PAQR8: variants seen among roughly 807,000 people sequenced by gnomAD.
PAQR8 encodes membrane progestin receptor beta.
A neutral mutation model predicts 25.2 loss-of-function variants in PAQR8; 17 were observed. The ratio of observed to expected loss-of-function variants is 0.67; its 90% CI spans 0.46 to 1.01. The LOEUF is 1.01. PAQR8 is among the 50% of genes least tolerant of loss of function. The pLI is 0.00. For missense variants in PAQR8, 392 were observed against 448.4 expected (o/e 0.87, Z 1.14); for synonymous variants, 204 against 190.6 (o/e 1.07, Z -0.58).
chr6:52,389,702 A>C (rs1053242951), intron 1 of PAQR8, among the ~76,000 whole-genome samples: 1 of 152,220 alleles, frequency 6.6e-6, no homozygotes, highest in African/African-American at 2.4e-5. Flanking sequence ...CAGAAGAGTT[A>C]ATGTTTAATT....
At chr6:52,388,871 A>G (rs964132685) in intron 1 of PAQR8, among the ~76,000 whole-genome samples, 6 of 152,166 alleles carry the variant, frequency 3.9e-5, no homozygotes, top group Non-Finnish European at 7.4e-5. Context: ...TTGAGAGAGA[A>G]GTGGGTTTTG....
chr6:52,395,181 G>A (rs552042210), intron 1 of PAQR8, among the ~76,000 whole-genome samples: 50 of 150,906 alleles, frequency 3.3e-4, no homozygotes, highest in Non-Finnish European at 6.5e-4. Flanking sequence ...GCTGAGACAG[G>A]AGAATTGCTT....
chr6:52,391,283 C>T (rs1763706128), intron 1 of PAQR8, among the ~76,000 whole-genome samples: 1 of 152,230 alleles, frequency 6.6e-6, no homozygotes, highest in Non-Finnish European at 1.5e-5. Context: ...ATGGAGCTCA[C>T]ATATCATGTG....
chr6:52,370,854 T>G (rs1763410139), intron 1 of PAQR8, among the ~76,000 whole-genome samples: 1 of 152,240 alleles, frequency 6.6e-6, no homozygotes, highest in Non-Finnish European at 1.5e-5. Flanking sequence ...TGCATTGGAT[T>G]GCAGTGGTCA....
intron 1 of PAQR8, among the ~76,000 whole-genome samples, chr6:52,364,138 G>C (rs564135556): frequency 5.8e-4 from 72 of 123,770 alleles, no homozygotes; most frequent in Admixed American, 1.1e-3. Flanking sequence ...TCCTTCTGGT[G>C]CATATAGGTC....
intron 1 of PAQR8, among the ~76,000 whole-genome samples, chr6:52,376,194 A>C (rs568752080): frequency 6.6e-6 from 1 of 152,322 alleles, no homozygotes; most frequent in African/African-American, 2.4e-5. Flanking sequence ...GTGAGGTTTT[A>C]AGTGTTCATG....
Position 52,403,741 on chromosome 6 carries a change from G to T in PAQR8, c.528G>T (p.Trp176Cys). 1.9e-6 allele frequency: 3 copies of T among 1,614,218 alleles called. No individual in the cohort carries two copies. The highest frequency in any genetic ancestry group is 2.2e-5 in the South Asian group (2 of 91,082). The part of the protein sequence containing the change: ...SSDQAWYDRF[W>C]LFFLPAAAFC... ...ACCAGGCCTGGTATGACCGGTTCTG[G>T]CTTTTCTTCTTGCCAGCAGCTGCCT... The change falls in exon 2 of 2, where the codon TGG becomes TGT. Residue 176 changes from tryptophan (W) to cysteine (C), a missense_variant. Coordinates refer to ENST00000442253, the MANE Select transcript of PAQR8 (RefSeq NM_133367.5).
intron 1 of PAQR8, among the ~76,000 whole-genome samples, chr6:52,367,838 GC>G (rs1763371073): frequency 6.6e-6 from 1 of 152,190 alleles, no homozygotes; most frequent in African/African-American, 2.4e-5. Flanking sequence ...TATCTCCCAG[GC>G]TTCTGAAGGC....
chr6:52,393,898 C>T (rs1332394950), intron 1 of PAQR8, among the ~76,000 whole-genome samples: 1 of 152,178 alleles, frequency 6.6e-6, no homozygotes. Context: ...GGACATGAAG[C>T]ATGAGTAGGA....
intron 1 of PAQR8, among the ~76,000 whole-genome samples, chr6:52,371,868 C>T (rs1310368989): frequency 6.6e-6 from 1 of 152,156 alleles, no homozygotes. Context: ...AAGTTAGTGT[C>T]AGAGCAAAGA....
chr6:52,386,123 T>C (rs1763630172), intron 1 of PAQR8, among the ~76,000 whole-genome samples: 1 of 151,920 alleles, frequency 6.6e-6, no homozygotes, highest in Admixed American at 6.6e-5. Context: ...ATTAGAGAAA[T>C]GCAAATCAAA....
chr6:52,391,428 T>C (rs193173607), intron 1 of PAQR8, among the ~76,000 whole-genome samples: 5 of 152,380 alleles, frequency 3.3e-5, no homozygotes, highest in Admixed American at 2.6e-4. Flanking sequence ...TGTTAGGTTT[T>C]GTTAAATATA....
Position 52,403,734 on chromosome 6 carries a change from G to A in PAQR8, c.521G>A (p.Arg174Gln), listed in dbSNP as rs1763869977. The change falls in exon 2 of 2, where the codon CGG becomes CAG. Residue 174 changes from arginine (R) to glutamine (Q), a missense_variant. Coordinates refer to ENST00000442253, the MANE Select transcript of PAQR8 (RefSeq NM_133367.5). ...AGCTCTGACCAGGCCTGGTATGACC[G>A]GTTCTGGCTTTTCTTCTTGCCAGCA... Reference protein sequence around the residue: ...FYSSDQAWYDRFWLFFLPAAA... With the variant: ...FYSSDQAWYDQFWLFFLPAAA... 3.7e-6 allele frequency: 6 copies of A among 1,614,232 alleles called. No individual in the cohort carries two copies. Among genetic ancestry groups the A allele is most frequent in the Non-Finnish European group, 5.1e-6 (6 of 1,180,040 alleles).
intron 1 of PAQR8, among the ~76,000 whole-genome samples, chr6:52,390,594 G>A (rs1190428584): frequency 1.3e-5 from 2 of 152,090 alleles, no homozygotes; most frequent in Admixed American, 6.5e-5. Flanking sequence ...AGTGACTCAC[G>A]TATTAATGCC....
At chr6:52,374,783 C>A (rs559016041) in intron 1 of PAQR8, among the ~76,000 whole-genome samples, 1 of 152,208 alleles carries the variant, frequency 6.6e-6, no homozygotes, top group South Asian at 2.1e-4. Context: ...TGCTGGAGAA[C>A]TTCCTAGCTC....
intron 1 of PAQR8, among the ~76,000 whole-genome samples, chr6:52,371,648 C>T (rs1763420500): frequency 6.6e-6 from 1 of 152,138 alleles, no homozygotes; most frequent in South Asian, 2.1e-4. Context: ...TAAATATTAA[C>T]CAAATTCCAA....
intron 1 of PAQR8, 82 bp from the exon 2 acceptor site, chr6:52,403,080 G>A (rs897927405): frequency 7.8e-6 from 6 of 764,998 alleles, no homozygotes; most frequent in Non-Finnish European, 1.2e-5. Flanking sequence ...CAAAAGAAAA[G>A]AAAATAGCCA....
In PAQR8 at chr6:52,388,234, G is replaced by A. The variant is rs139711113; in HGVS notation, c.-52-14928G>A. ...CTACTAAAAATACAAAAATCAGCTA[G>A]GTGTGGTGGTGCATGCCTGTAATCC... On this transcript the variant is annotated intron_variant, in intron 1 of 1. Coordinates refer to ENST00000442253, the MANE Select transcript of PAQR8 (RefSeq NM_133367.5). 3.3e-4 allele frequency among the ~76,000 whole-genome samples: 50 copies of A among 152,274 alleles called. 2 individuals carry two copies. In the East Asian group the frequency reaches 9.5e-3, roughly 29 times the overall value.
At chr6:52,367,345 T>C (rs1345865573) in intron 1 of PAQR8, among the ~76,000 whole-genome samples, 1 of 152,212 alleles carries the variant, frequency 6.6e-6, no homozygotes, top group Non-Finnish European at 1.5e-5. Flanking sequence ...CACCATTTCT[T>C]AACTGTGCCA....
Sources: allele counts gnomAD v4.1 joint callset (sites outside exome capture counted in the v4.1 genomes callset), GRCh38; gene constraint gnomAD v4.1.1; transcripts MANE v1.5; gene names NCBI Gene and HGNC (gene_info 2026-07-23, HGNC 2026-07-21).